The following NACC2 variants were observed in gnomAD, a reference collection of about 807,000 sequenced individuals.
The protein encoded by NACC2 is NACC family member 2.
A neutral mutation model predicts 25.1 loss-of-function variants in NACC2; 8 were observed. The ratio of observed to expected loss-of-function variants is 0.32; its 90% CI spans 0.19 to 0.57. The LOEUF (loss-of-function observed/expected upper bound fraction) is 0.57, where lower values mean the gene tolerates loss of function less well. Among genes scored for constraint, NACC2 ranks in the 20% least tolerant of loss-of-function variants. The pLI is 0.89. For missense variants in NACC2, 644 were observed against 650.2 expected (o/e 0.99, Z 0.10); for synonymous variants, 435 against 294.7 (o/e 1.48, Z -4.88).
chr9:136,032,083 G>A (rs144894041), intron 2 of NACC2, among the ~76,000 whole-genome samples: 1 of 144,438 alleles, frequency 6.9e-6, no homozygotes, highest in Non-Finnish European at 1.5e-5. Flanking sequence ...AGACTCCTGG[G>A]ATCCCACCGG....
At chr9:136,094,421 A>G (rs971684244) in intron 1 of NACC2, among the ~76,000 whole-genome samples, 3 of 152,202 alleles carry the variant, frequency 2.0e-5, no homozygotes, top group African/African-American at 4.8e-5. Flanking sequence ...ACACGATCCC[A>G]GCAAGAGAAG....
chr9:136,051,536 G>A (rs989016576), intron 1 of NACC2, among the ~76,000 whole-genome samples: 2 of 152,188 alleles, frequency 1.3e-5, no homozygotes, highest in Non-Finnish European at 2.9e-5. Context: ...GGCCCAGAAG[G>A]CGCCAGCCCA....
intron 1 of NACC2, among the ~76,000 whole-genome samples, chr9:136,076,941 G>A (rs1037818065): frequency 2.0e-5 from 3 of 152,042 alleles, no homozygotes; most frequent in African/African-American, 7.3e-5. Context: ...AGGAGGCAGG[G>A]CCTGCAGTGA....
intron 1 of NACC2, among the ~76,000 whole-genome samples, chr9:136,071,904 C>A (rs1397191943): frequency 2.6e-5 from 4 of 152,108 alleles, no homozygotes; most frequent in Non-Finnish European, 5.9e-5. Context: ...CGTCCAGACG[C>A]AAATGTGCTG....
chr9:136,092,298 C>T (rs929842880), intron 1 of NACC2, among the ~76,000 whole-genome samples: 2 of 152,160 alleles, frequency 1.3e-5, no homozygotes, highest in African/African-American at 4.8e-5. Flanking sequence ...GGAGCCTGAC[C>T]GGAGATGGGG....
At chr9:136,074,178 C>T (rs996393671) in intron 1 of NACC2, among the ~76,000 whole-genome samples, 7 of 151,322 alleles carry the variant, frequency 4.6e-5, no homozygotes, top group Non-Finnish European at 8.8e-5. Context: ...TGGCCAGGCG[C>T]GGTGGCTCAT....
intron 1 of NACC2, among the ~76,000 whole-genome samples, chr9:136,067,734 C>T (rs1278051588): frequency 6.6e-6 from 1 of 152,192 alleles, no homozygotes. Context: ...ACGTGGAAGG[C>T]TGAGGCAGGA....
At chr9:136,078,113 T>C (rs1444195558) in intron 1 of NACC2, among the ~76,000 whole-genome samples, 5 of 152,182 alleles carry the variant, frequency 3.3e-5, no homozygotes. Flanking sequence ...GTACTATCTT[T>C]AAACAATCCA....
chr9:136,017,050 C>T (rs1236751349), intron 2 of NACC2, among the ~76,000 whole-genome samples: 1 of 152,268 alleles, frequency 6.6e-6, no homozygotes, highest in South Asian at 2.1e-4. Flanking sequence ...AGAACACAGC[C>T]CTGGGACTGT....
intron 2 of NACC2, among the ~76,000 whole-genome samples, chr9:136,027,098 G>A (rs557057030): frequency 1.3e-5 from 2 of 152,194 alleles, no homozygotes; most frequent in Non-Finnish European, 2.9e-5. Context: ...GGTGGCACAT[G>A]CCTGTAGTCC....
In NACC2 at chr9:136,022,339, C is replaced by A. The variant is rs1840305635; in HGVS notation, c.887-5910G>T. Among the ~76,000 whole-genome samples the A allele has an allele frequency of 6.6e-6, 1 of 152,214 alleles. No homozygotes were observed. The highest frequency in any genetic ancestry group is 2.4e-5 in the African/African-American group (1 of 41,456). Reference sequence around the variant, plus strand: ...CTCCACATGGGGCTGTGTCCCACCCCCGAAAGCACACAGGTGTGGACTCAA... The same window carrying A: ...CTCCACATGGGGCTGTGTCCCACCCACGAAAGCACACAGGTGTGGACTCAA... On this transcript the variant is annotated intron_variant, in intron 2 of 5. Transcript: ENST00000277554. The surrounding 1 kb of genome is among the most constrained non-coding windows in gnomAD (Gnocchi z 4.4).
intron 2 of NACC2, among the ~76,000 whole-genome samples, chr9:136,023,901 G>C (rs1161053405): frequency 6.6e-6 from 1 of 152,226 alleles, no homozygotes; most frequent in East Asian, 1.9e-4. Context: ...ACCCACACAA[G>C]TGTGTACCCA....
chr9:136,019,951 G>T lies in NACC2; in HGVS notation c.887-3522C>A, dbSNP rs140280601. 1.3e-5 allele frequency among the ~76,000 whole-genome samples: 2 copies of T among 149,404 alleles called. No homozygotes were observed. Among genetic ancestry groups the T allele is most frequent in the Non-Finnish European group, 3.0e-5 (2 of 67,366 alleles). ...CCACTCGCAGGCGGCCCCCAGAGTC[G>T]TCAGGTCCACAGAGGCGGGAAACAG... On this transcript the variant is annotated intron_variant, in intron 2 of 5. Coordinates refer to ENST00000277554, the MANE Select transcript of NACC2 (RefSeq NM_144653.5). This position sits in a 1 kb window ranked among gnomAD's most constrained non-coding sequence, Gnocchi z 5.2.
At position 136,055,871 on chromosome 9, in the gene NACC2, C is replaced by T. The variant is rs1356978060; in HGVS notation, c.-59-5291G>A. ...TGAGGACATCTCCTAAAAGGTCAATCGAAGGCGCTCCTGGAGCGTGAGAAG... is the reference window on the plus strand; with the variant it reads ...TGAGGACATCTCCTAAAAGGTCAATTGAAGGCGCTCCTGGAGCGTGAGAAG... On this transcript the variant is annotated intron_variant, in intron 1 of 5. Transcript: ENST00000277554. The surrounding 1 kb of genome is among the most constrained non-coding windows in gnomAD (Gnocchi z 4.9). 6.6e-6 allele frequency among the ~76,000 whole-genome samples: 1 copy of T among 152,114 alleles called. No individual in the cohort carries two copies. Among genetic ancestry groups the T allele is most frequent in the Non-Finnish European group, 1.5e-5 (1 of 68,028 alleles).
intron 2 of NACC2, among the ~76,000 whole-genome samples, chr9:136,026,967 G>T (rs1840401550): frequency 6.6e-6 from 1 of 152,192 alleles, no homozygotes. Context: ...AGTAGCTCAT[G>T]CCTGTAATCC....
chr9:136,016,305 G>A lies in NACC2; in HGVS notation c.1011C>T (p.Tyr337=), dbSNP rs749063168. Residue 337 remains tyrosine (Y), a synonymous_variant, in exon 3 of 6, where the codon TAC becomes TAT. Coordinates refer to ENST00000277554, the MANE Select transcript of NACC2 (RefSeq NM_144653.5). ...QIGYRCHPKL[Y]SEGDPGEKLE... ...GCTTCTCCCCGGGGTCCCCTTCCGA[G>A]TAGAGCTTGGGATGGCAGCGGTATC... The A allele has an allele frequency of 4.3e-6, 7 of 1,612,876 alleles. No individual in the cohort carries two copies. The Admixed American group carries it at 6.7e-5, about 15-fold the overall frequency.
At chr9:136,077,432 A>C (rs960198209) in intron 1 of NACC2, among the ~76,000 whole-genome samples, 1 of 152,252 alleles carries the variant, frequency 6.6e-6, no homozygotes, top group Non-Finnish European at 1.5e-5. Context: ...GACATTGTTG[A>C]TAAGTCGTGC....
chr9:136,019,020 C>T lies in NACC2; in HGVS notation c.887-2591G>A, dbSNP rs1335719142. 4 of 152,200 alleles carry T rather than the reference C, an allele frequency of 2.6e-5. No individual in the cohort carries two copies. The East Asian group carries it at 7.7e-4, about 29-fold the overall frequency. The allele number at this position is 152,200 out of a possible 1,614,324, so 9.4% of individuals were successfully genotyped here. A position where few individuals can be genotyped will look rare whatever the true frequency, so the allele number is the denominator to read the frequency against. ...CCCCAAGAGCCAGAGACTGTCAGCA[C>T]CAGAGCGGCCAAAAAAGCCTCTTCT... is the stretch of plus-strand genomic sequence containing the variant. On this transcript the variant is annotated intron_variant, in intron 2 of 5. Transcript: ENST00000277554. The surrounding 1 kb of genome is among the most constrained non-coding windows in gnomAD (Gnocchi z 5.2).
intron 2 of NACC2, among the ~76,000 whole-genome samples, chr9:136,024,437 G>A (rs1486292574): frequency 6.7e-6 from 1 of 149,092 alleles, no homozygotes; most frequent in Non-Finnish European, 1.5e-5. Context: ...GAGTGTGTGT[G>A]TGTGAGGACA....
Sources: gnomAD v4.1 joint callset for allele counts (sites outside exome capture counted in the v4.1 genomes callset) on GRCh38, gnomAD v4.1.1 for gene constraint, Gnocchi (gnomAD v3.1) non-coding constraint, MANE v1.5 for transcripts, NCBI Gene and HGNC (gene_info 2026-07-23, HGNC 2026-07-21) for gene names.